POU6F2: variants seen among roughly 807,000 people sequenced by gnomAD.
The protein encoded by POU6F2 is POU class 6 homeobox 2.
A neutral mutation model predicts 71.3 loss-of-function variants in POU6F2; 31 were observed. That is an observed-to-expected ratio of 0.43 (90% CI 0.33 to 0.59). The LOEUF (loss-of-function observed/expected upper bound fraction) is 0.59, where lower values mean the gene tolerates loss of function less well. Among genes scored for constraint, POU6F2 ranks in the 20% least tolerant of loss-of-function variants. The probability of loss-of-function intolerance (pLI) is 0.04; values close to 1 mark genes in which losing one functional copy is unlikely to be tolerated. For missense variants in POU6F2, 783 were observed against 856.8 expected, an observed-to-expected ratio of 0.91 and a Z score of 1.07; for synonymous variants, 347 against 355.7, an observed-to-expected ratio of 0.98 and a Z score of 0.27.
intron 4 of POU6F2, among the ~76,000 whole-genome samples, chr7:39,309,905 A>G (rs1785128209): frequency 6.6e-6 from 1 of 152,232 alleles, no homozygotes; most frequent in Non-Finnish European, 1.5e-5. Context: ...GTAGTTTTGA[A>G]TGCACAGGGC....
chr7:39,086,075 C>T, intron 2 of POU6F2, 44 bp downstream of exon 2: 5 of 1,582,216 alleles, frequency 3.2e-6, no homozygotes, highest in African/African-American at 1.3e-5. Context: ...CCATGTTGTC[C>T]GGAAGAGCAA....
intron 2 of POU6F2, among the ~76,000 whole-genome samples, chr7:39,169,850 T>C (rs1177981687): frequency 6.6e-6 from 1 of 152,220 alleles, no homozygotes; most frequent in Non-Finnish European, 1.5e-5. Context: ...TATGAAATTA[T>C]AATGTGATTT....
intron 2 of POU6F2, among the ~76,000 whole-genome samples, chr7:39,192,631 TCTTC>T (rs1793692308): frequency 6.6e-6 from 1 of 152,218 alleles, no homozygotes; most frequent in African/African-American, 2.4e-5. Flanking sequence ...GCTGTGAACC[TCTTC>T]CTTGGGCATC....
intron 2 of POU6F2, among the ~76,000 whole-genome samples, chr7:39,202,414 G>C (rs1269074937): frequency 2.6e-5 from 4 of 152,072 alleles, no homozygotes; most frequent in Admixed American, 2.6e-4. Context: ...TTCATAGTCT[G>C]GTATAAAAAC....
intron 5 of POU6F2, among the ~76,000 whole-genome samples, chr7:39,351,662 C>T (rs1478323402): frequency 6.6e-6 from 1 of 152,100 alleles, no homozygotes; most frequent in African/African-American, 2.4e-5. Context: ...AGATTCTGAT[C>T]CAGAGCCCAC....
intron 5 of POU6F2, among the ~76,000 whole-genome samples, chr7:39,346,204 G>A (rs1786030374): frequency 6.6e-6 from 1 of 152,108 alleles, no homozygotes; most frequent in Non-Finnish European, 1.5e-5. Context: ...AGAGTGGCAG[G>A]GAAAAAATTA....
In POU6F2 at chr7:39,397,739, C is replaced by A. The variant is rs181496364; in HGVS notation, c.973-8861C>A. On this transcript the variant is annotated intron_variant, in intron 5 of 9. Transcript: ENST00000518318. Reference sequence around the variant, plus strand: ...AACTCCTGACCTCAGGTGATCCACCCGCCTGATCCACAAGCGTGAGCCACT... The same window carrying A: ...AACTCCTGACCTCAGGTGATCCACCAGCCTGATCCACAAGCGTGAGCCACT... 5.9e-4 allele frequency among the ~76,000 whole-genome samples: 88 copies of A among 149,006 alleles called. 1 individual carries two copies. Among genetic ancestry groups the A allele is most frequent in the Middle Eastern group, 7.1e-3 (2 of 280 alleles).
At chr7:39,093,393 T>C (rs1791392911) in intron 2 of POU6F2, among the ~76,000 whole-genome samples, 1 of 152,086 alleles carries the variant, frequency 6.6e-6, no homozygotes, top group Non-Finnish European at 1.5e-5. Context: ...ATGTTCTTAG[T>C]AAATAACCAA....
intron 4 of POU6F2, among the ~76,000 whole-genome samples, chr7:39,305,519 C>T (rs944557021): frequency 1.3e-4 from 20 of 152,154 alleles, no homozygotes; most frequent in Admixed American, 9.2e-4. Context: ...GCATTCATGC[C>T]GCAATCAAGA....
intron 1 of POU6F2, 73 bp from the exon 2 acceptor site, chr7:39,085,787 G>C: frequency 6.9e-7 from 1 of 1,441,804 alleles, no homozygotes; most frequent in Non-Finnish European, 9.6e-7. Context: ...GAGAGGGAGA[G>C]GGAGAGAGAG....
At chr7:39,459,717 A>ATAG (rs1176103149) in intron 8 of POU6F2, among the ~76,000 whole-genome samples, 3 of 152,116 alleles carry the variant, frequency 2.0e-5, no homozygotes, top group Non-Finnish European at 4.4e-5. Context: ...GCACTTTGAA[A>ATAG]TCTTCCACCA....
At chr7:39,335,986 C>A (rs749075954) in intron 4 of POU6F2, among the ~76,000 whole-genome samples, 15 of 152,188 alleles carry the variant, frequency 9.9e-5, no homozygotes, top group Non-Finnish European at 2.1e-4. Context: ...CTGGTGGCTG[C>A]CCTGACCCCT....
At chr7:39,097,524 G>A (rs184690391) in intron 2 of POU6F2, among the ~76,000 whole-genome samples, 1 of 152,200 alleles carries the variant, frequency 6.6e-6, no homozygotes, top group South Asian at 2.1e-4. Context: ...AAACAAAGGA[G>A]AGGTACATAT....
chr7:39,038,005 C>A (rs1369388644), intron 1 of POU6F2, among the ~76,000 whole-genome samples: 5 of 152,054 alleles, frequency 3.3e-5, no homozygotes. Flanking sequence ...GAAAGGAGTT[C>A]TCACTGGAAA....
intron 8 of POU6F2, among the ~76,000 whole-genome samples, chr7:39,452,314 G>A (rs1392432234): frequency 3.9e-5 from 6 of 152,180 alleles, no homozygotes; most frequent in Non-Finnish European, 8.8e-5. Context: ...TGTATATATA[G>A]TTTTTAGAAT....
At chr7:39,289,928 G>C (rs1784719521) in intron 4 of POU6F2, among the ~76,000 whole-genome samples, 1 of 152,074 alleles carries the variant, frequency 6.6e-6, no homozygotes, top group Non-Finnish European at 1.5e-5. Flanking sequence ...GACCATCTCA[G>C]CTTAGTCAGA....
At chr7:39,391,206 C>G (rs188637890) in intron 5 of POU6F2, among the ~76,000 whole-genome samples, 2 of 152,170 alleles carry the variant, frequency 1.3e-5, no homozygotes, top group African/African-American at 4.8e-5. Context: ...TGATGACTAT[C>G]TTGGTCAATT....
intron 2 of POU6F2, among the ~76,000 whole-genome samples, chr7:39,170,977 T>G (rs1793207692): frequency 6.7e-6 from 1 of 150,298 alleles, no homozygotes; most frequent in Non-Finnish European, 1.5e-5. Flanking sequence ...TAAATAACAA[T>G]TTTTAAAGAA....
At chr7:39,294,839 C>A (rs1298817872) in intron 4 of POU6F2, among the ~76,000 whole-genome samples, 1 of 152,106 alleles carries the variant, frequency 6.6e-6, no homozygotes, top group Non-Finnish European at 1.5e-5. Flanking sequence ...TTGTATTTGA[C>A]CCCAGGGAAG....
Sources: gnomAD v4.1 joint callset for allele counts (sites outside exome capture counted in the v4.1 genomes callset) on GRCh38, gnomAD v4.1.1 for gene constraint, MANE v1.5 for transcripts, NCBI Gene and HGNC (gene_info 2026-07-23, HGNC 2026-07-21) for gene names.